Variants in DNM2 observed in about 807,000 individuals in gnomAD.
DNM2 encodes dynamin 2.
DNM2 carries 15 observed loss-of-function variants against 99.0 expected under a neutral mutation model. The observed-to-expected ratio is 0.15, with a 90% CI of 0.10 to 0.23. The LOEUF (loss-of-function observed/expected upper bound fraction) is 0.23. Ranked by LOEUF, DNM2 falls within the 10% of genes least tolerant of loss-of-function variation. The probability of loss-of-function intolerance (pLI) is 1.00; values close to 1 mark genes in which losing one functional copy is unlikely to be tolerated. For synonymous variants in DNM2, 525 were observed against 481.2 expected (o/e 1.09, Z -1.19); for missense variants, 742 against 1,189.4 (o/e 0.62, Z 5.53).
chr19:10,718,447 G>T, intron 1 of DNM2, 44 bp downstream of exon 1: 1 of 1,359,606 alleles, frequency 7.4e-7, no homozygotes, highest in Non-Finnish European at 9.5e-7. Flanking sequence ...GCGGCCTAGG[G>T]CGCGGAGGGC....
chr19:10,759,385 A>G lies in DNM2; in HGVS notation c.162-353A>G, dbSNP rs74341498. Among the ~76,000 whole-genome samples, 1,332 of 152,300 alleles carry G rather than the reference A, an allele frequency of 8.7e-3. 22 individuals carry two copies. The highest frequency in any genetic ancestry group is 0.031 in the African/African-American group (1,280 of 41,538). On this transcript the variant is annotated intron_variant, in intron 1 of 20. Coordinates refer to ENST00000389253, the MANE Select transcript of DNM2 (RefSeq NM_001005361.3). ...CTTTCCTCGTATTTTACCCATATAC[A>G]TGTGGCATTGTGTTGATTTAAAACA...
intron 6 of DNM2, among the ~76,000 whole-genome samples, chr19:10,784,517 G>A (rs550086667): frequency 1.8e-4 from 28 of 152,312 alleles, no homozygotes; most frequent in Admixed American, 1.8e-3. Flanking sequence ...GGAGCCTGGA[G>A]GGGGCTCAGC....
intron 16 of DNM2, among the ~76,000 whole-genome samples, chr19:10,822,538 C>T (rs1008857328): frequency 6.6e-5 from 10 of 151,850 alleles, no homozygotes; most frequent in African/African-American, 2.4e-4. Flanking sequence ...CTCACTCTGT[C>T]GCCCAGGCTG....
intron 1 of DNM2, among the ~76,000 whole-genome samples, chr19:10,755,789 G>A (rs1006773476): frequency 7.2e-5 from 11 of 151,896 alleles, no homozygotes; most frequent in African/African-American, 1.2e-4. Context: ...TTAGCCTCCC[G>A]AGTGGCTGGG....
Position 10,831,538 on chromosome 19 carries a change from G to A in DNM2, c.*491G>A, listed in dbSNP as rs1425199567. 2.0e-6 allele frequency: 2 copies of A among 986,762 alleles called. No individual in the cohort carries two copies. Among genetic ancestry groups the A allele is most frequent in the Non-Finnish European group, 2.4e-6 (2 of 830,568 alleles). The allele number at this position is 986,762 out of a possible 1,614,324, so 61.1% of individuals were successfully genotyped here. On this transcript the variant is annotated 3_prime_UTR_variant, in exon 21 of 21. Coordinates refer to ENST00000389253, the MANE Select transcript of DNM2 (RefSeq NM_001005361.3). This position sits in a 1 kb window ranked among gnomAD's most constrained non-coding sequence, Gnocchi z 4.3. ...CCAGTGGGCTCGGTAGTGCCCAGCTGGCAGGCCTGAGGTGTACATAGTCCT... is the reference window on the plus strand; with the variant it reads ...CCAGTGGGCTCGGTAGTGCCCAGCTAGCAGGCCTGAGGTGTACATAGTCCT...
intron 1 of DNM2, among the ~76,000 whole-genome samples, chr19:10,752,388 G>A (rs1173299792): frequency 2.6e-5 from 4 of 152,278 alleles, no homozygotes; most frequent in South Asian, 2.1e-4. Flanking sequence ...CGTCACTCCC[G>A]CCCTATGTTC....
chr19:10,774,667 C>T (rs565408821), intron 3 of DNM2, among the ~76,000 whole-genome samples: 467 of 151,038 alleles, frequency 3.1e-3, no homozygotes, highest in Non-Finnish European at 5.9e-3. Flanking sequence ...CTCAGGTGAT[C>T]GCCTGCCTTG....
At chr19:10,803,465 C>T (rs77455257) in intron 12 of DNM2, among the ~76,000 whole-genome samples, 3,925 of 152,274 alleles carry the variant, frequency 0.026, 79 homozygotes, top group Non-Finnish European at 0.042. Flanking sequence ...TGCTCCCGGC[C>T]GCCGGGTGTG....
At chr19:10,735,253 T>TG (rs1568269280) in intron 1 of DNM2, among the ~76,000 whole-genome samples, 1 of 152,040 alleles carries the variant, frequency 6.6e-6, no homozygotes, top group Non-Finnish European at 1.5e-5. Flanking sequence ...TTAGCCAGGA[T>TG]GGTCTCGATC....
intron 1 of DNM2, 174 bp downstream of exon 1, chr19:10,718,577 C>T (rs767035758): frequency 5.9e-5 from 58 of 979,266 alleles, no homozygotes; most frequent in South Asian, 1.4e-4. Flanking sequence ...AGAGGACTCC[C>T]TGCAGGGGCT....
chr19:10,801,297 C>G (rs1163346786), intron 11 of DNM2, among the ~76,000 whole-genome samples: 2 of 151,246 alleles, frequency 1.3e-5, no homozygotes, highest in African/African-American at 4.9e-5. Flanking sequence ...CACAGTGAGA[C>G]TCTGTCTCCC....
At position 10,775,133 on chromosome 19, in the gene DNM2, G is replaced by A. The variant is rs946213784; in HGVS notation, c.386-570G>A. Among the ~76,000 whole-genome samples the A allele has an allele frequency of 3.9e-5, 6 of 152,038 alleles. No homozygotes were observed. Among genetic ancestry groups the A allele is most frequent in the Non-Finnish European group, 7.4e-5 (5 of 68,022 alleles). ...GTCTTGCTCTGTCGCCCAGGCTGGA[G>A]TGCAGTGGTATGATCTCAGCTCACT... On this transcript the variant is annotated intron_variant, in intron 3 of 20. Coordinates refer to ENST00000389253, the MANE Select transcript of DNM2 (RefSeq NM_001005361.3). This position sits in a 1 kb window ranked among gnomAD's most constrained non-coding sequence, Gnocchi z 4.3.
At chr19:10,783,295 A>G (rs1268988015) in intron 6 of DNM2, among the ~76,000 whole-genome samples, 175 bp downstream of exon 6, 1 of 152,188 alleles carries the variant, frequency 6.6e-6, no homozygotes, top group Non-Finnish European at 1.5e-5. Context: ...TGGAGACCCC[A>G]TCTCTAGGAA....
At chr19:10,792,458 C>A (rs574236026) in intron 7 of DNM2, among the ~76,000 whole-genome samples, 1 of 152,304 alleles carries the variant, frequency 6.6e-6, no homozygotes, top group East Asian at 1.9e-4. Context: ...TGAACAAGAT[C>A]ATCCTACTTT....
At position 10,775,658 on chromosome 19, in the gene DNM2, C is replaced by G. The variant is rs757364967; in HGVS notation, c.386-45C>G. 5 of 1,611,370 alleles carry G rather than the reference C, an allele frequency of 3.1e-6. No individual in the cohort carries two copies. Among genetic ancestry groups the G allele is most frequent in the South Asian group, 1.1e-5 (1 of 90,924 alleles). ...GTGGCTGCGGGCCTGTTTGTGCCTC[C>G]CCTCTCCTGGCTCTGAATGCCTTTC... On this transcript the variant is annotated intron_variant, in intron 3 of 20. Transcript: ENST00000389253. The surrounding 1 kb of genome is among the most constrained non-coding windows in gnomAD (Gnocchi z 4.3).
rs2070742467 is a variant in DNM2 at position 10,764,803 on chromosome 19, G to C, written c.235+4992G>C. 6.6e-6 allele frequency among the ~76,000 whole-genome samples: 1 copy of C among 152,138 alleles called. No homozygotes were observed. Among genetic ancestry groups the C allele is most frequent in the Non-Finnish European group, 1.5e-5 (1 of 68,028 alleles). On this transcript the variant is annotated intron_variant, in intron 2 of 20. Transcript: ENST00000389253. The surrounding 1 kb of genome is among the most constrained non-coding windows in gnomAD (Gnocchi z 4.1). ...CCTGATTCTCAGGCCCAGCTTGCTG[G>C]TTCCCACTGCTTGGCCTCTGTGCTC...
In DNM2 at chr19:10,775,609, G is replaced by A. The variant is rs990912217; in HGVS notation, c.386-94G>A. The A allele has an allele frequency of 1.4e-5, 20 of 1,401,910 alleles. No homozygotes were observed. Among genetic ancestry groups the A allele is most frequent in the African/African-American group, 4.2e-5 (3 of 70,696 alleles). 86.8% of individuals were successfully genotyped at this position (1,401,910 alleles called of 1,614,324 possible). A position where few individuals can be genotyped will look rare whatever the true frequency, so the allele number is the denominator to read the frequency against. ...CGACATCCTCAAGTCTGAGCCCCGCGCAGGAACTTTGGTAGTCAGCTGGGT... is the reference window on the plus strand; with the variant it reads ...CGACATCCTCAAGTCTGAGCCCCGCACAGGAACTTTGGTAGTCAGCTGGGT... On this transcript the variant is annotated intron_variant, in intron 3 of 20. Coordinates refer to ENST00000389253, the MANE Select transcript of DNM2 (RefSeq NM_001005361.3). The surrounding 1 kb of genome is among the most constrained non-coding windows in gnomAD (Gnocchi z 4.3).
chr19:10,796,058 C>A lies in DNM2; in HGVS notation c.1196+619C>A, dbSNP rs748695148. The A allele has an allele frequency of 1.2e-6, 2 of 1,613,432 alleles. No homozygotes were observed. The highest frequency in any genetic ancestry group is 2.2e-5 in the South Asian group (2 of 91,040). On this transcript the variant is annotated intron_variant, in intron 9 of 20. Transcript: ENST00000389253. This position sits in a 1 kb window ranked among gnomAD's most constrained non-coding sequence, Gnocchi z 5.6. ...CCCTGCCCCCGGGTCTGGACGGTTT[C>A]AGGACCGGGCTTTTCACCCCGGACT...
chr19:10,790,417 C>T (rs2071712499), intron 7 of DNM2, among the ~76,000 whole-genome samples: 1 of 152,130 alleles, frequency 6.6e-6, no homozygotes, highest in Admixed American at 6.5e-5. Flanking sequence ...AAGGAACATA[C>T]GTGTTTAAAA....
Sources: gnomAD v4.1 joint callset for allele counts (sites outside exome capture counted in the v4.1 genomes callset) on GRCh38, gnomAD v4.1.1 for gene constraint, Gnocchi (gnomAD v3.1) non-coding constraint, MANE v1.5 for transcripts, NCBI Gene and HGNC (gene_info 2026-07-23, HGNC 2026-07-21) for gene names.